Variants in TRPM4 observed in about 807,000 individuals in gnomAD.
TRPM4 encodes the protein transient receptor potential cation channel subfamily M member 4, also known as calcium-activated non-selective cation channel 1.
In TRPM4, 124 loss-of-function variants were observed where a neutral mutation model predicts 135.6. That is an observed-to-expected ratio of 0.91 (90% CI 0.79 to 1.06). The LOEUF (loss-of-function observed/expected upper bound fraction) is 1.06. TRPM4 is among the 50% of genes least tolerant of loss of function. The pLI, the probability that TRPM4 is intolerant of heterozygous loss-of-function variation, is 0.00. For missense variants in TRPM4, 1,658 were observed against 1,671.4 expected, an observed-to-expected ratio of 0.99 and a Z score of 0.14; for synonymous variants, 745 against 705.6, an observed-to-expected ratio of 1.06 and a Z score of -0.88.
rs777992375 is a variant in TRPM4, at chr19:49,166,195, G to T, written c.247G>T (p.Ala83Ser). 3 of 1,606,674 alleles carry T rather than the reference G, an allele frequency of 1.9e-6. No individual in the cohort carries two copies. In the South Asian group the frequency reaches 3.3e-5, roughly 18 times the overall value. ...CTACGGAGAGCTGGACTTCACGGGG[G>T]CCGGCCGCAAGCACAGCAATGTGAG... Reference protein sequence around the residue: ...DAYGELDFTGAGRKHSNFLRL... With the variant: ...DAYGELDFTGSGRKHSNFLRL... Residue 83 changes from alanine (A) to serine (S), a missense_variant, in exon 3 of 25, where the codon GCC (alanine) becomes TCC (serine). Physicochemically the swap from Ala to Ser is moderately conservative, Grantham distance 99. Transcript: ENST00000252826.
chr19:49,186,682 A>T (rs1178403491), intron 12 of TRPM4, among the ~76,000 whole-genome samples: 1 of 151,842 alleles, frequency 6.6e-6, no homozygotes, highest in Non-Finnish European at 1.5e-5. Context: ...GACCAGCCTG[A>T]CCAACATGGA....
chr19:49,176,728 G>A (rs1447520718), intron 9 of TRPM4, among the ~76,000 whole-genome samples: 2 of 152,188 alleles, frequency 1.3e-5, no homozygotes, highest in African/African-American at 4.8e-5. Context: ...GCGGGTGCCT[G>A]TAATCCCAAC....
rs767917564 is a variant in TRPM4 at position 49,188,725 on chromosome 19, G to A, written c.1828G>A (p.Ala610Thr). 1 of 1,614,232 alleles carries A rather than the reference G, an allele frequency of 6.2e-7. No homozygotes were observed. Among genetic ancestry groups the A allele is most frequent in the South Asian group, 1.1e-5 (1 of 91,086 alleles). Residue 610 changes from alanine to threonine, a missense_variant, in exon 13 of 25, where the codon GCA (alanine) becomes ACA (threonine). Physicochemically the swap from Ala to Thr is moderately conservative, Grantham distance 58 (BLOSUM62 0). Coordinates refer to ENST00000252826, the MANE Select transcript of TRPM4 (RefSeq NM_017636.4). ...ARLEPDAEEA[A>T]RRKDLAFKFE... ...CCTGGAGCCTGACGCTGAGGAGGCA[G>A]CACGGAGGAAAGACCTGGCGTTCAA...
intron 19 of TRPM4, among the ~76,000 whole-genome samples, chr19:49,201,000 C>CTTTTTTTTTTTTTTTT (rs771981417): frequency 7.1e-6 from 1 of 140,766 alleles, no homozygotes; most frequent in Non-Finnish European, 1.5e-5. Context: ...TTTCTTTTTT[C>CTTTTTTTTTTTTTTTT]TTTTTTTTTT....
intron 6 of TRPM4, among the ~76,000 whole-genome samples, chr19:49,169,539 C>T (rs188998269): frequency 1.0e-3 from 153 of 151,142 alleles, no homozygotes; most frequent in African/African-American, 3.6e-3. Context: ...CTTTGGCCTC[C>T]CGAAGTGCTG....
intron 9 of TRPM4, among the ~76,000 whole-genome samples, chr19:49,174,219 C>G (rs1390338763): frequency 6.6e-6 from 1 of 152,088 alleles, no homozygotes; most frequent in Non-Finnish European, 1.5e-5. Context: ...GTGGTGCGAG[C>G]TTGGCTCACT....
rs1159759909 is a variant in TRPM4, at chr19:49,196,959, C to A, written c.2645+85C>A. On this transcript the variant is annotated intron_variant, in intron 17 of 24. Transcript: ENST00000252826. ...CTCCCGGGGTCTCCACTCCCGGCTT[C>A]CCCGCAGCTGGGCAGCAGGTCAAGC... 6 of 1,360,006 alleles carry A rather than the reference C, an allele frequency of 4.4e-6. No homozygotes were observed. In the East Asian group the frequency reaches 1.5e-4, roughly 34 times the overall value. The allele number at this position is 1,360,006 out of a possible 1,614,324, so 84.2% of individuals were successfully genotyped here.
chr19:49,182,894 C>T lies in TRPM4; in HGVS notation c.1580C>T (p.Pro527Leu). 6.3e-7 allele frequency: 1 copy of T among 1,599,592 alleles called. No homozygotes were observed. Among genetic ancestry groups the T allele is most frequent in the Non-Finnish European group, 8.5e-7 (1 of 1,172,824 alleles). The change falls in exon 11 of 25, where the codon CCT (proline) becomes CTT (leucine). Residue 527 changes from proline to leucine, a missense_variant. Around this residue, in one of 3 missense-constraint regions of TRPM4, gnomAD observed 1,412 missense variants for 1,408.7 expected, o/e 1.00. Coordinates refer to ENST00000252826, the MANE Select transcript of TRPM4 (RefSeq NM_017636.4). ...TACCCCTCCGGGGGCGCCTGGGACC[C>T]TCACCCAGGCCAGGGCTTCGGGGAG... ...PRYPSGGAWD[P>L]HPGQGFGESM... is the part of the protein sequence containing the mutation.
intron 17 of TRPM4, among the ~76,000 whole-genome samples, chr19:49,197,864 T>G (rs1343179748): frequency 6.6e-6 from 1 of 151,802 alleles, no homozygotes; most frequent in African/African-American, 2.4e-5. Context: ...TTTTTGTATT[T>G]TTTTTGTAGA....
intron 2 of TRPM4, chr19:49,158,581 CTGTTT>C (rs1365999634): frequency 2.9e-6 from 1 of 350,228 alleles, no homozygotes; most frequent in Non-Finnish European, 5.1e-6. Flanking sequence ...TTGGGTATTT[CTGTTT>C]CATTCATTCA....
Position 49,210,067 on chromosome 19 carries a change from G to T in TRPM4, c.3132-142G>T. Reference sequence around the variant, plus strand: ...CTTGGCTCTAACCTGACTTCTAATCGCATCCTGTAACCTCTGACTTTAGTG... The same window carrying T: ...CTTGGCTCTAACCTGACTTCTAATCTCATCCTGTAACCTCTGACTTTAGTG... On this transcript the variant is annotated intron_variant, in intron 20 of 24. Transcript: ENST00000252826. This position sits in a 1 kb window ranked among gnomAD's most constrained non-coding sequence, Gnocchi z 4.1. The T allele has an allele frequency of 1.0e-6, 1 of 959,200 alleles. No homozygotes were observed. The highest frequency in any genetic ancestry group is 1.7e-6 in the Non-Finnish European group (1 of 598,556). 59.4% of individuals were successfully genotyped at this position (959,200 alleles called of 1,614,324 possible).
chr19:49,178,104 G>A lies in TRPM4; in HGVS notation c.1151-3245G>A, dbSNP rs146728061. Among the ~76,000 whole-genome samples the A allele has an allele frequency of 3.3e-3, 501 of 152,328 alleles. 4 individuals are homozygous for A. Among genetic ancestry groups the A allele is most frequent in the African/African-American group, 0.011 (477 of 41,570 alleles). The stretch of plus-strand genomic sequence containing the variant: ...ACAGCACCTTGGAAGACTAAGGAAG[G>A]AGGTTCGCTTGAGCCCAGGAGTTTG... On this transcript the variant is annotated intron_variant, in intron 9 of 24. Transcript: ENST00000252826.
At chr19:49,200,242 T>G in intron 17 of TRPM4, 58 bp from the exon 18 acceptor site, 1 of 1,613,762 alleles carries the variant, frequency 6.2e-7, no homozygotes, top group South Asian at 1.1e-5. Flanking sequence ...TGGGAAGACT[T>G]CCATTTTCCT....
chr19:49,190,304 C>T lies in TRPM4; in HGVS notation c.2116C>T (p.Arg706Cys), dbSNP rs199552085. The T allele has an allele frequency of 4.9e-5, 79 of 1,614,186 alleles. No homozygotes were observed. Among genetic ancestry groups the T allele is most frequent in the African/African-American group, 2.8e-4 (21 of 75,068 alleles). The change falls in exon 15 of 25, where the codon CGC (arginine) becomes TGC (cysteine). Residue 706 changes from arginine (R) to cysteine (C), a missense_variant. Coordinates refer to ENST00000252826, the MANE Select transcript of TRPM4 (RefSeq NM_017636.4). Reference protein sequence around the residue: ...AFFCPPLIYTRLITFRKSEEE... With the variant: ...AFFCPPLIYTCLITFRKSEEE... ...CTTTTGCCCTCCACTCATCTACACC[C>T]GCCTCATCACCTTCAGGTCAGTACC... is the stretch of plus-strand genomic sequence containing the variant.
rs745340937 is a variant in TRPM4 at position 49,200,403 on chromosome 19, G to C, written c.2749G>C (p.Gly917Arg). The C allele has an allele frequency of 6.2e-7, 1 of 1,613,916 alleles. No individual in the cohort carries two copies. The highest frequency in any genetic ancestry group is 1.1e-5 in the South Asian group (1 of 91,050). The change falls in exon 18 of 25, where the codon GGG (glycine) becomes CGG (arginine). Residue 917 changes from glycine to arginine, a missense_variant. By Grantham distance (125) the Gly-to-Arg change is moderately radical (BLOSUM62 -2). Coordinates refer to ENST00000252826, the MANE Select transcript of TRPM4 (RefSeq NM_017636.4). Reference sequence around the variant, plus strand: ...CATCTTCACGGTCAACAAACAGCTGGGGCCCAAGATCGTCATCGTGAGCAA... The same window carrying C: ...CATCTTCACGGTCAACAAACAGCTGCGGCCCAAGATCGTCATCGTGAGCAA... The part of the protein sequence containing the change: ...LHIFTVNKQL[G>R]PKIVIVSKMM...
chr19:49,200,206 C>T (rs773621055), intron 17 of TRPM4, 94 bp from the exon 18 acceptor site: 36 of 1,595,282 alleles, frequency 2.3e-5, no homozygotes, highest in Non-Finnish European at 2.9e-5. Flanking sequence ...CCGGTGGAGG[C>T]TGCAGCTTCC....
At chr19:49,166,843 T>C (rs1480279992) in intron 3 of TRPM4, among the ~76,000 whole-genome samples, 1 of 146,158 alleles carries the variant, frequency 6.8e-6, no homozygotes, top group Non-Finnish European at 1.5e-5. Context: ...TGGGTCTCTG[T>C]CTTCCTCTCT....
chr19:49,167,325 T>C (rs1440788831), intron 3 of TRPM4, among the ~76,000 whole-genome samples: 1 of 103,980 alleles, frequency 9.6e-6, no homozygotes, highest in South Asian at 4.1e-4. Context: ...TACTCTGGGT[T>C]TCTGTCCCCA....
In TRPM4 at chr19:49,182,821, GTGGGGCAT is replaced by G; in HGVS notation, c.1508_1515del (p.Val503GlyfsTer100). 1 of 1,613,372 alleles carries G rather than the reference GTGGGGCAT, an allele frequency of 6.2e-7. No individual in the cohort carries two copies. The highest frequency in any genetic ancestry group is 8.5e-7 in the Non-Finnish European group (1 of 1,179,812). ...AGCTGCGGAGCTCCGGCCCCCTGAC[GTGGGGCAT>G]GTGCTGAGGATGCTGCTGGGGAAGA... is the stretch of plus-strand genomic sequence containing the variant. On this transcript the variant is annotated frameshift_variant, in exon 11 of 25. Coordinates refer to ENST00000252826, the MANE Select transcript of TRPM4 (RefSeq NM_017636.4). LOFTEE classifies it high-confidence loss of function.
Sources: allele counts gnomAD v4.1 joint callset (sites outside exome capture counted in the v4.1 genomes callset), GRCh38; gene constraint gnomAD v4.1.1; regional missense constraint gnomAD v4.1.1; non-coding constraint Gnocchi (gnomAD v3.1); transcripts MANE v1.5; gene names NCBI Gene and HGNC (gene_info 2026-07-23, HGNC 2026-07-21).